Variants in NSL1 observed in about 807,000 individuals in gnomAD.
NSL1 encodes the protein kinetochore-associated protein NSL1 homolog.
A neutral mutation model predicts 25.4 loss-of-function variants in NSL1; 11 were observed. The observed-to-expected ratio is 0.43, with a 90% CI of 0.27 to 0.72. The LOEUF is 0.72. NSL1 is among the 30% of genes least tolerant of loss of function. The probability of loss-of-function intolerance (pLI) is 0.19; values close to 1 mark genes in which losing one functional copy is unlikely to be tolerated. For missense variants in NSL1, 330 were observed against 342.7 expected (o/e 0.96, Z 0.29); for synonymous variants, 118 against 120.6 (o/e 0.98, Z 0.14).
chr1:212,763,749 T>C (rs991079859), intron 4 of NSL1, among the ~76,000 whole-genome samples: 3 of 152,358 alleles, frequency 2.0e-5, no homozygotes, highest in East Asian at 3.9e-4. Context: ...TAAATTTATA[T>C]GCAACTAACA....
chr1:212,749,331 TTTA>T (rs1658951366), intron 4 of NSL1, among the ~76,000 whole-genome samples: 1 of 145,208 alleles, frequency 6.9e-6, no homozygotes, highest in African/African-American at 2.5e-5. Flanking sequence ...GATTTTGCGT[TTTA>T]TTGTGTTTTT....
In NSL1 at chr1:212,737,490, A is replaced by T. The variant is rs1000311083; in HGVS notation, c.*918T>A. The T allele has an allele frequency of 6.1e-6, 6 of 983,858 alleles. No individual in the cohort carries two copies. The highest frequency in any genetic ancestry group is 7.2e-6 in the Non-Finnish European group (6 of 828,578). 60.9% of individuals were successfully genotyped at this position (983,858 alleles called of 1,614,324 possible). A position where few individuals can be genotyped will look rare whatever the true frequency, so the allele number is the denominator to read the frequency against. On this transcript the variant is annotated 3_prime_UTR_variant, in exon 6 of 6. Coordinates refer to ENST00000366977, the MANE Select transcript of NSL1 (RefSeq NM_015471.4). ...TAATGTAAGACACACAATAAGAGCT[A>T]TAAGAAACTATAGTTAAATGTTAGA... is the stretch of plus-strand genomic sequence containing the variant.
chr1:212,728,231 T>C lies in NSL1; in HGVS notation c.*10177A>G, dbSNP rs1204290624. The C allele has an allele frequency of 3.2e-6, 3 of 950,930 alleles. No individual in the cohort carries two copies. The highest frequency in any genetic ancestry group is 3.8e-6 in the Non-Finnish European group (3 of 798,680). 58.9% of individuals were successfully genotyped at this position (950,930 alleles called of 1,614,324 possible). A position where few individuals can be genotyped will look rare whatever the true frequency, so the allele number is the denominator to read the frequency against. ...ATACATGGTAACTACTAGCATTATA[T>C]TGATATTACCTTCAGCAAATAAGTT... On this transcript the variant is annotated 3_prime_UTR_variant, in exon 6 of 6. Transcript: ENST00000366977.
intron 3 of NSL1, 59 bp downstream of exon 3, chr1:212,784,303 AT>A: frequency 8.2e-7 from 1 of 1,213,046 alleles, no homozygotes; most frequent in South Asian, 1.5e-5. Flanking sequence ...AGAGCCTTAT[AT>A]TTTAATGTTT....
Position 212,783,466 on chromosome 1 carries a change from G to T in NSL1, c.444+897C>A, listed in dbSNP as rs577992174. Among the ~76,000 whole-genome samples the T allele has an allele frequency of 3.9e-5, 6 of 152,188 alleles. No individual in the cohort carries two copies. The East Asian group carries it at 9.6e-4, about 24-fold the overall frequency. ...CTGCTCATGAATACTGTTTTTCACAGAATAACTAAAATGTTTTAGATACAA... is the reference window on the plus strand; with the variant it reads ...CTGCTCATGAATACTGTTTTTCACATAATAACTAAAATGTTTTAGATACAA... On this transcript the variant is annotated intron_variant, in intron 3 of 5. Transcript: ENST00000366977.
At chr1:212,774,226 ATAGC>A (rs2102387427) in intron 4 of NSL1, among the ~76,000 whole-genome samples, 1 of 152,354 alleles carries the variant, frequency 6.6e-6, no homozygotes, top group Admixed American at 6.5e-5. Flanking sequence ...ATATTTCAAA[ATAGC>A]TAGAAGAGAA....
At chr1:212,749,218 A>C (rs920642880) in intron 4 of NSL1, among the ~76,000 whole-genome samples, 6 of 152,168 alleles carry the variant, frequency 3.9e-5, no homozygotes, top group African/African-American at 1.4e-4. Flanking sequence ...ATTTAATATG[A>C]AAAGTTATCT....
At chr1:212,761,439 G>C (rs1242969343) in intron 4 of NSL1, among the ~76,000 whole-genome samples, 1 of 152,056 alleles carries the variant, frequency 6.6e-6, no homozygotes. Context: ...CAGGAGTTTG[G>C]GGCCAGCCTT....
chr1:212,784,871 A>G (rs1348111377), intron 2 of NSL1, among the ~76,000 whole-genome samples: 1 of 152,226 alleles, frequency 6.6e-6, no homozygotes, highest in East Asian at 1.9e-4. Context: ...TGTGAAATAT[A>G]AGACTTTAAA....
At chr1:212,762,090 G>A (rs575670810) in intron 4 of NSL1, among the ~76,000 whole-genome samples, 2 of 152,080 alleles carry the variant, frequency 1.3e-5, no homozygotes, top group African/African-American at 4.8e-5. Context: ...CTGAGGTCAG[G>A]AGTTTGAGAC....
At position 212,760,212 on chromosome 1, in the gene NSL1, C is replaced by G. The variant is rs149745748; in HGVS notation, c.500-20611G>C. Reference sequence around the variant, plus strand: ...CCTGTGGGCCACTGGTACCTGAGCACACTAACCAAGGGCAAAGGGATAGCC... The same window carrying G: ...CCTGTGGGCCACTGGTACCTGAGCAGACTAACCAAGGGCAAAGGGATAGCC... On this transcript the variant is annotated intron_variant, in intron 4 of 5. Coordinates refer to ENST00000366977, the MANE Select transcript of NSL1 (RefSeq NM_015471.4). This position sits in a 1 kb window ranked among gnomAD's most constrained non-coding sequence, Gnocchi z 4.3. Among the ~76,000 whole-genome samples the G allele has an allele frequency of 2.2e-3, 336 of 152,126 alleles. No individual in the cohort carries two copies. The highest frequency in any genetic ancestry group is 0.017 in the Middle Eastern group (5 of 294).
intron 1 of NSL1, among the ~76,000 whole-genome samples, chr1:212,789,503 C>A (rs769606100): frequency 1.3e-5 from 2 of 152,218 alleles, no homozygotes; most frequent in African/African-American, 4.8e-5. Flanking sequence ...TAAGCCATCG[C>A]GCCCGGCCTA....
In NSL1 at chr1:212,736,776, C is replaced by CA; in HGVS notation, c.*1631dup. 1 of 985,086 alleles carries CA rather than the reference C, an allele frequency of 1.0e-6. No individual in the cohort carries two copies. Among genetic ancestry groups the CA allele is most frequent in the Non-Finnish European group, 1.2e-6 (1 of 829,642 alleles). The allele number at this position is 985,086 out of a possible 1,614,324, so 61.0% of individuals were successfully genotyped here. On this transcript the variant is annotated 3_prime_UTR_variant, in exon 6 of 6. Transcript: ENST00000366977. ...GATTCAACATTAACAGGATTTTTGT[C>CA]ACATTTCCTTAATCGATTCCTTGTT... is the stretch of plus-strand genomic sequence containing the variant.
intron 1 of NSL1, among the ~76,000 whole-genome samples, chr1:212,787,857 G>A (rs1316200272): frequency 6.6e-6 from 1 of 151,800 alleles, no homozygotes; most frequent in African/African-American, 2.4e-5. Flanking sequence ...GAGAAAATCT[G>A]ATTTAAAATT....
At chr1:212,762,570 A>G (rs143196196) in intron 4 of NSL1, among the ~76,000 whole-genome samples, 6 of 152,276 alleles carry the variant, frequency 3.9e-5, no homozygotes, top group African/African-American at 1.4e-4. Context: ...GGAATCCACA[A>G]ACCCTCTGAA....
At chr1:212,777,717 A>T (rs141310609) in intron 4 of NSL1, among the ~76,000 whole-genome samples, 24 of 152,332 alleles carry the variant, frequency 1.6e-4, no homozygotes, top group African/African-American at 5.1e-4. Flanking sequence ...ATAGTGGAAG[A>T]CACAAAGAAA....
chr1:212,737,326 T>A lies in NSL1; in HGVS notation c.*1082A>T, dbSNP rs141937998. Reference sequence around the variant, plus strand: ...TTCTGGTGAATCTAGACATTTATGATTATTAATACATAATAAGCAAGAGAA... The same window carrying A: ...TTCTGGTGAATCTAGACATTTATGAATATTAATACATAATAAGCAAGAGAA... On this transcript the variant is annotated 3_prime_UTR_variant, in exon 6 of 6. Transcript: ENST00000366977. 3.1e-4 allele frequency: 304 copies of A among 985,144 alleles called. No individual in the cohort carries two copies. The African/African-American group carries it at 4.9e-3, about 16-fold the overall frequency. The allele number at this position is 985,144 out of a possible 1,614,324, so 61.0% of individuals were successfully genotyped here.
intron 4 of NSL1, among the ~76,000 whole-genome samples, chr1:212,781,006 C>T (rs1450979024): frequency 6.6e-6 from 1 of 152,114 alleles, no homozygotes; most frequent in Non-Finnish European, 1.5e-5. Context: ...AGTCAGGTGA[C>T]TTGGCCAAAG....
Position 212,727,315 on chromosome 1 carries a change from C to A in NSL1, c.*11093G>T. The A allele has an allele frequency of 7.7e-7, 1 of 1,290,876 alleles. No homozygotes were observed. The allele number at this position is 1,290,876 out of a possible 1,614,324, so 80.0% of individuals were successfully genotyped here. A position where few individuals can be genotyped will look rare whatever the true frequency, so the allele number is the denominator to read the frequency against. On this transcript the variant is annotated 3_prime_UTR_variant, in exon 6 of 6. Coordinates refer to ENST00000366977, the MANE Select transcript of NSL1 (RefSeq NM_015471.4). ...TCCAGGCAGGGCCCAGGATCCCCTT[C>A]CAAATTACTGAGGGGCAGTAAGTCC...
Sources: gnomAD v4.1 joint callset for allele counts (sites outside exome capture counted in the v4.1 genomes callset) on GRCh38, gnomAD v4.1.1 for gene constraint, Gnocchi (gnomAD v3.1) non-coding constraint, MANE v1.5 for transcripts, NCBI Gene and HGNC (gene_info 2026-07-23, HGNC 2026-07-21) for gene names.